The following TSHZ3 variants were observed in gnomAD, a reference collection of about 807,000 sequenced individuals.
TSHZ3 encodes teashirt homolog 3.
In TSHZ3, 10 loss-of-function variants were observed where a neutral mutation model predicts 64.5. That is an observed-to-expected ratio of 0.16 (90% CI 0.10 to 0.26). TSHZ3 has a LOEUF of 0.26. Among genes scored for constraint, TSHZ3 ranks in the 10% least tolerant of loss-of-function variants. The pLI is 1.00. For synonymous variants in TSHZ3, 608 were observed against 593.1 expected, an observed-to-expected ratio of 1.03 and a Z score of -0.36; for missense variants, 1,242 against 1,421.7, an observed-to-expected ratio of 0.87 and a Z score of 2.03.
chr19:31,203,270 C>A (rs746913730), intron 5 of TSHZ3, among the ~76,000 whole-genome samples: 4 of 151,998 alleles, frequency 2.6e-5, no homozygotes, highest in Non-Finnish European at 5.9e-5. Flanking sequence ...GCTGAAGGAA[C>A]AACAAGGAGG....
At chr19:31,296,438 G>A (rs111726139) in intron 1 of TSHZ3, among the ~76,000 whole-genome samples, 75 of 149,752 alleles carry the variant, frequency 5.0e-4, no homozygotes, top group African/African-American at 1.8e-3. Context: ...GGGTTCAAGC[G>A]ATTCTCCTGC....
chr19:31,324,767 G>A (rs1383757798), intron 1 of TSHZ3, among the ~76,000 whole-genome samples: 1 of 152,146 alleles, frequency 6.6e-6, no homozygotes. Flanking sequence ...GTCCAGAGGG[G>A]AAAACCCTTT....
Position 31,295,545 on chromosome 19 carries a change from T to C in TSHZ3, c.41-15793A>G, listed in dbSNP as rs562964801. Among the ~76,000 whole-genome samples the C allele has an allele frequency of 3.3e-5, 5 of 152,276 alleles. No homozygotes were observed. The East Asian group carries it at 9.7e-4, about 29-fold the overall frequency. ...ACAAAATATTTTATGAATTCATTTA[T>C]GTAAATTTCAAAATCAGGCAAAGCT... On this transcript the variant is annotated intron_variant, in intron 1 of 1. Transcript: ENST00000240587.
At chr19:31,274,858 C>T (rs981815677), downstream of TSHZ3, 1 of 152,226 alleles carries the variant, frequency 6.6e-6, no homozygotes, top group African/African-American at 2.4e-5. Context: ...CAACCAGCTC[C>T]GTCATAAACA....
intron 5 of TSHZ3, among the ~76,000 whole-genome samples, chr19:31,189,378 T>A (rs1286878874): frequency 1.3e-5 from 2 of 152,002 alleles, no homozygotes; most frequent in Non-Finnish European, 2.9e-5. Flanking sequence ...TTTAAGGCAA[T>A]ACATTTTCCT....
At chr19:31,319,753 A>C (rs1172990120) in intron 1 of TSHZ3, among the ~76,000 whole-genome samples, 2 of 152,212 alleles carry the variant, frequency 1.3e-5, no homozygotes. Context: ...TGTCGCCCTC[A>C]AAAGCACAAA....
intron 1 of TSHZ3, among the ~76,000 whole-genome samples, chr19:31,263,970 A>T (rs568060175): frequency 2.0e-5 from 3 of 152,212 alleles, no homozygotes; most frequent in Admixed American, 2.0e-4. Context: ...TGCCACTGAC[A>T]TGAAGTGTGT....
At chr19:31,317,228 A>G (rs1916628823) in intron 1 of TSHZ3, among the ~76,000 whole-genome samples, 2 of 152,076 alleles carry the variant, frequency 1.3e-5, no homozygotes, top group Non-Finnish European at 2.9e-5. Flanking sequence ...AGCCAGAGCC[A>G]CAGCTGCCTA....
At chr19:31,176,608 G>C (rs77997675) in intron 5 of TSHZ3, among the ~76,000 whole-genome samples, 1 of 152,072 alleles carries the variant, frequency 6.6e-6, no homozygotes, top group African/African-American at 2.4e-5. Context: ...GGGCAACATA[G>C]CAAGACTCCC....
intron 6 of TSHZ3, among the ~76,000 whole-genome samples, chr19:31,155,585 G>A (rs975495617): frequency 1.3e-5 from 2 of 152,138 alleles, no homozygotes; most frequent in African/African-American, 2.4e-5. Flanking sequence ...AGGGCCTCGG[G>A]GCCCAGATCA....
Position 31,279,399 on chromosome 19 carries a change from A to T in TSHZ3, c.394T>A (p.Ser132Thr). ...TGGTGCAGGTTGAGGTTGAGGTTGG[A>T]CCAGTAGGAGTTGGAGAGGAAGTTG... ...YNNFLSNSYW[S>T]NLNLNLHQPS... Residue 132 changes from serine to threonine, a missense_variant, in exon 2 of 2, where the codon TCC becomes ACC. This residue lies in a region of TSHZ3 where 555 missense variants were observed against 704.0 expected (regional missense o/e 0.79). Coordinates refer to ENST00000240587, the MANE Select transcript of TSHZ3 (RefSeq NM_020856.4). The surrounding 1 kb of genome is among the most constrained non-coding windows in gnomAD (Gnocchi z 6.4). The T allele has an allele frequency of 6.2e-7, 1 of 1,614,158 alleles. No individual in the cohort carries two copies.
upstream of TSHZ3, among the ~76,000 whole-genome samples, chr19:31,350,156 G>A (rs949966384): frequency 2.7e-5 from 4 of 147,186 alleles, no homozygotes; most frequent in Non-Finnish European, 6.0e-5. Flanking sequence ...TCCCCGGGCC[G>A]GGGCTGGCGT....
At chr19:31,315,938 A>ATT (rs35132496) in intron 1 of TSHZ3, among the ~76,000 whole-genome samples, 1 of 151,196 alleles carries the variant, frequency 6.6e-6, no homozygotes, top group African/African-American at 2.4e-5. Context: ...GACATCGACC[A>ATT]TTTTTTTTTC....
At chr19:31,322,078 G>A (rs1056402457) in intron 1 of TSHZ3, among the ~76,000 whole-genome samples, 1 of 152,082 alleles carries the variant, frequency 6.6e-6, no homozygotes, top group Non-Finnish European at 1.5e-5. Flanking sequence ...AGAACACGCA[G>A]TGTTTGGTTT....
intron 1 of TSHZ3, among the ~76,000 whole-genome samples, chr19:31,249,674 G>C (rs2145190466): frequency 6.6e-6 from 1 of 152,318 alleles, no homozygotes; most frequent in East Asian, 1.9e-4. Flanking sequence ...CCTCCGCTGA[G>C]ACCTGCTGTC....
intron 1 of TSHZ3, among the ~76,000 whole-genome samples, chr19:31,269,487 C>T (rs1976104408): frequency 6.6e-6 from 1 of 151,982 alleles, no homozygotes; most frequent in South Asian, 2.1e-4. Context: ...CAAGTTTACC[C>T]AGCCCTGGTT....
chr19:31,326,836 A>C (rs1916944693), intron 1 of TSHZ3, among the ~76,000 whole-genome samples: 1 of 152,232 alleles, frequency 6.6e-6, no homozygotes, highest in African/African-American at 2.4e-5. Flanking sequence ...CATTTGTGCA[A>C]CTTCAAATAA....
intron 5 of TSHZ3, among the ~76,000 whole-genome samples, chr19:31,168,736 C>T (rs1974492747): frequency 6.6e-6 from 1 of 152,160 alleles, no homozygotes; most frequent in African/African-American, 2.4e-5. Flanking sequence ...CCCCTCTGTG[C>T]CTTTCAGTAT....
At chr19:31,163,664 G>A in intron 5 of TSHZ3, among the ~76,000 whole-genome samples, 1 of 152,194 alleles carries the variant, frequency 6.6e-6, no homozygotes, top group East Asian at 1.9e-4. Context: ...CTGGGACGCA[G>A]AGGTTTCAGT....
Sources: gnomAD v4.1 joint callset for allele counts (sites outside exome capture counted in the v4.1 genomes callset) on GRCh38, gnomAD v4.1.1 for gene constraint, gnomAD v4.1.1 regional missense constraint, Gnocchi (gnomAD v3.1) non-coding constraint, MANE v1.5 for transcripts, NCBI Gene and HGNC (gene_info 2026-07-23, HGNC 2026-07-21) for gene names.